Variants in LRP1B observed in about 807,000 individuals in gnomAD.
LRP1B encodes the protein low-density lipoprotein receptor-related protein 1B.
Under a neutral mutation model 556.6 loss-of-function variants are expected in LRP1B, and 217 were observed. The observed-to-expected ratio is 0.39, with a 90% CI of 0.35 to 0.44. LRP1B has a LOEUF of 0.44. Among genes scored for constraint, LRP1B ranks in the 20% least tolerant of loss-of-function variants. LRP1B has a pLI of 1.00. For synonymous variants in LRP1B, 2,047 were observed against 1,865.8 expected, an observed-to-expected ratio of 1.10 and a Z score of -2.50; for missense variants, 5,053 against 5,620.8, an observed-to-expected ratio of 0.90 and a Z score of 3.23.
intron 1 of LRP1B, among the ~76,000 whole-genome samples, chr2:141,825,970 G>A (rs1308157650): frequency 1.3e-5 from 2 of 151,908 alleles, no homozygotes; most frequent in Non-Finnish European, 2.9e-5. Flanking sequence ...ATTTAACAAC[G>A]CACATATTAA....
rs1185763249 is a variant in LRP1B, at chr2:140,780,370, G to T, written c.5360-4132C>A. ...GTAGAATTGAGGGCCTACTGGGCTGGCTGTCTGACTAAAGAAAAAGGCCAT... is the reference window on the plus strand; with the variant it reads ...GTAGAATTGAGGGCCTACTGGGCTGTCTGTCTGACTAAAGAAAAAGGCCAT... On this transcript the variant is annotated intron_variant, in intron 32 of 90. Transcript: ENST00000389484. Among the ~76,000 whole-genome samples the T allele has an allele frequency of 3.3e-5, 5 of 152,052 alleles. No individual in the cohort carries two copies. The East Asian group carries it at 7.7e-4, about 24-fold the overall frequency.
rs140424838 is a variant in LRP1B at position 141,203,581 on chromosome 2, T to TG, written c.851-14999dup. On this transcript the variant is annotated intron_variant, in intron 6 of 90. Transcript: ENST00000389484. ...AGAGACTTAGACTCCCACACAATAA[T>TG]GGGGGGGGAGGACTTTAACACCCCA... Among the ~76,000 whole-genome samples the TG allele has an allele frequency of 9.2e-3, 1,397 of 151,892 alleles. 16 individuals are homozygous for TG. Among genetic ancestry groups the TG allele is most frequent in the African/African-American group, 0.029 (1,199 of 41,374 alleles).
chr2:141,865,394 C>T (rs1462687035), intron 1 of LRP1B, among the ~76,000 whole-genome samples: 2 of 151,576 alleles, frequency 1.3e-5, no homozygotes, highest in Non-Finnish European at 2.9e-5. Context: ...AGATCGAGAC[C>T]ATCCCGGCTA....
intron 43 of LRP1B, among the ~76,000 whole-genome samples, chr2:140,595,137 T>TATATATATATA (rs1682391040): frequency 1.7e-5 from 2 of 118,028 alleles, no homozygotes. Flanking sequence ...TATATATATA[T>TATATATATATA]TAGTATGGTT....
intron 1 of LRP1B, among the ~76,000 whole-genome samples, chr2:142,064,343 T>C (rs1307495477): frequency 6.6e-6 from 1 of 151,608 alleles, no homozygotes; most frequent in East Asian, 1.9e-4. Flanking sequence ...TGGTGCTCTA[T>C]CTTCACTTTC....
chr2:141,749,736 G>C (rs1025735973), intron 2 of LRP1B, among the ~76,000 whole-genome samples: 1 of 152,076 alleles, frequency 6.6e-6, no homozygotes, highest in Non-Finnish European at 1.5e-5. Flanking sequence ...TATGAAGAGA[G>C]CTCTGGTCCA....
At chr2:140,702,734 T>C (rs955276805) in intron 37 of LRP1B, among the ~76,000 whole-genome samples, 181 bp from the exon 38 acceptor site, 8 of 152,078 alleles carry the variant, frequency 5.3e-5, no homozygotes, top group African/African-American at 1.7e-4. Context: ...CGTAAAAAAA[T>C]AGTTAACCAG....
chr2:140,748,813 G>GA (rs1688462142), intron 35 of LRP1B, among the ~76,000 whole-genome samples: 1 of 90,252 alleles, frequency 1.1e-5, no homozygotes, highest in African/African-American at 4.7e-5. Context: ...TTATATACAT[G>GA]TATATAATAT....
chr2:141,995,506 G>T (rs915578759), intron 1 of LRP1B, among the ~76,000 whole-genome samples: 2 of 152,050 alleles, frequency 1.3e-5, no homozygotes, highest in African/African-American at 4.8e-5. Flanking sequence ...CAGCTGATTG[G>T]CACACTAATT....
chr2:141,166,516 C>T (rs1680268775), intron 7 of LRP1B, among the ~76,000 whole-genome samples: 1 of 151,692 alleles, frequency 6.6e-6, no homozygotes, highest in Admixed American at 6.6e-5. Context: ...AAGCATTTAT[C>T]ATTTCTTTAT....
intron 3 of LRP1B, among the ~76,000 whole-genome samples, chr2:141,355,110 G>A (rs1463028513): frequency 6.6e-6 from 1 of 151,996 alleles, no homozygotes; most frequent in Non-Finnish European, 1.5e-5. Context: ...TGTATGTCAT[G>A]TTAGAGTATT....
chr2:140,742,726 T>C (rs1428865701), intron 35 of LRP1B, among the ~76,000 whole-genome samples: 1 of 152,088 alleles, frequency 6.6e-6, no homozygotes, highest in Non-Finnish European at 1.5e-5. Context: ...GTGCGAGCTC[T>C]ATGAATGATT....
chr2:141,168,628 A>C (rs1431554751), intron 7 of LRP1B, among the ~76,000 whole-genome samples: 1 of 152,104 alleles, frequency 6.6e-6, no homozygotes, highest in African/African-American at 2.4e-5. Flanking sequence ...TTTGCTCCAA[A>C]ATAGCAACTT....
intron 1 of LRP1B, among the ~76,000 whole-genome samples, chr2:141,861,786 C>T (rs1359630326): frequency 1.3e-5 from 2 of 151,868 alleles, no homozygotes; most frequent in African/African-American, 4.8e-5. Flanking sequence ...AAAAATTAGC[C>T]GGGCATGATG....
chr2:141,990,244 C>T (rs531887437), intron 1 of LRP1B, among the ~76,000 whole-genome samples: 2 of 152,070 alleles, frequency 1.3e-5, no homozygotes, highest in Admixed American at 1.3e-4. Context: ...ATCAGATAAA[C>T]AACATATAGC....
intron 15 of LRP1B, among the ~76,000 whole-genome samples, chr2:140,997,273 A>C (rs1697274952): frequency 6.6e-6 from 1 of 152,034 alleles, no homozygotes; most frequent in Non-Finnish European, 1.5e-5. Context: ...AAGGCACTAC[A>C]AAAGAAAATA....
intron 31 of LRP1B, among the ~76,000 whole-genome samples, chr2:140,821,076 TTGAG>T (rs1462073682): frequency 2.0e-5 from 3 of 152,116 alleles, no homozygotes; most frequent in Non-Finnish European, 2.9e-5. Context: ...ATGAAAAACA[TTGAG>T]TGTTTTTGTT....
At chr2:140,808,352 T>TAA (rs5834778) in intron 32 of LRP1B, among the ~76,000 whole-genome samples, 1 of 152,002 alleles carries the variant, frequency 6.6e-6, no homozygotes, top group African/African-American at 2.4e-5. Context: ...TATATTTTTT[T>TAA]AAAAAACAAA....
At chr2:141,578,535 C>T (rs4363973) in intron 2 of LRP1B, among the ~76,000 whole-genome samples, 57,761 of 151,760 alleles carry the variant, frequency 0.38, 11,433 homozygotes, top group East Asian at 0.69. Flanking sequence ...TATGTATATA[C>T]CCAAAGGCCT....
Sources: gnomAD v4.1 joint callset for allele counts (sites outside exome capture counted in the v4.1 genomes callset) on GRCh38, gnomAD v4.1.1 for gene constraint, MANE v1.5 for transcripts, NCBI Gene and HGNC (gene_info 2026-07-23, HGNC 2026-07-21) for gene names.